Variants in MTF2 observed in about 807,000 individuals in gnomAD.
The protein encoded by MTF2 is metal-response element-binding transcription factor 2.
MTF2 carries 11 observed loss-of-function variants against 79.5 expected under a neutral mutation model. The ratio of observed to expected loss-of-function variants is 0.14; its 90% CI spans 0.09 to 0.23. MTF2 has a LOEUF of 0.23. Ranked by LOEUF, MTF2 falls within the 10% of genes least tolerant of loss-of-function variation. The probability of loss-of-function intolerance (pLI) is 1.00; values close to 1 mark genes in which losing one functional copy is unlikely to be tolerated. For missense variants in MTF2, 486 were observed against 711.2 expected (o/e 0.68, Z 3.60); for synonymous variants, 208 against 232.8 (o/e 0.89, Z 0.97).
intron 1 of MTF2, among the ~76,000 whole-genome samples, chr1:93,089,961 C>T (rs888599599): frequency 1.5e-4 from 23 of 151,744 alleles, no homozygotes; most frequent in South Asian, 6.2e-4. Flanking sequence ...CTCAGGTGTG[C>T]ACCACCACAC....
At chr1:93,087,571 CAA>C (rs5776168) in intron 1 of MTF2, among the ~76,000 whole-genome samples, 6 of 135,496 alleles carry the variant, frequency 4.4e-5, no homozygotes, top group African/African-American at 5.7e-5. Flanking sequence ...GACTCTGTCT[CAA>C]AAAAAAAAAA....
At chr1:93,112,041 T>C (rs1161101671) in intron 3 of MTF2, among the ~76,000 whole-genome samples, 1 of 152,170 alleles carries the variant, frequency 6.6e-6, no homozygotes, top group Non-Finnish European at 1.5e-5. Context: ...AGAAAACCAA[T>C]GTTACATAGA....
At chr1:93,101,936 A>T (rs1312644513) in intron 1 of MTF2, among the ~76,000 whole-genome samples, 1 of 152,126 alleles carries the variant, frequency 6.6e-6, no homozygotes, top group African/African-American at 2.4e-5. Context: ...AGCCGTCTCC[A>T]TAACACTTTT....
chr1:93,079,451 C>T lies in MTF2; in HGVS notation c.-76C>T, dbSNP rs1302267429. 43 of 1,600,042 alleles carry T rather than the reference C, an allele frequency of 2.7e-5. No individual in the cohort carries two copies. The East Asian group carries it at 8.7e-4, about 32-fold the overall frequency. The stretch of plus-strand genomic sequence containing the variant: ...CGGGTGCCCAGTAAGTGCTCGGACT[C>T]GCAGGGGAAGCGCCCACGGGGACGG... On this transcript the variant is annotated 5_prime_UTR_variant, in exon 1 of 15. Coordinates refer to ENST00000370298, the MANE Select transcript of MTF2 (RefSeq NM_007358.4).
intron 11 of MTF2, among the ~76,000 whole-genome samples, chr1:93,132,273 G>A (rs1226321522): frequency 1.3e-5 from 2 of 152,144 alleles, no homozygotes; most frequent in Non-Finnish European, 2.9e-5. Context: ...TTTGAATGAA[G>A]GAAAGAATGC....
In MTF2 at chr1:93,137,108, C is replaced by T; in HGVS notation, c.*81C>T. ...AAGCCCTAAAGGAGTCTGGCTTTTA[C>T]TATCTTTCTTAAAAAAAAAAAAAAG... is the stretch of plus-strand genomic sequence containing the variant. On this transcript the variant is annotated 3_prime_UTR_variant, in exon 15 of 15. Coordinates refer to ENST00000370298, the MANE Select transcript of MTF2 (RefSeq NM_007358.4). 1 of 1,048,156 alleles carries T rather than the reference C, an allele frequency of 9.5e-7. No homozygotes were observed. Among genetic ancestry groups the T allele is most frequent in the Admixed American group, 2.5e-5 (1 of 40,332 alleles). 64.9% of individuals were successfully genotyped at this position (1,048,156 alleles called of 1,614,324 possible).
At chr1:93,115,899 A>G (rs1380284476) in intron 6 of MTF2, among the ~76,000 whole-genome samples, 2 of 152,186 alleles carry the variant, frequency 1.3e-5, no homozygotes, top group Non-Finnish European at 2.9e-5. Context: ...CATTTACTGC[A>G]GGGGCCCAGT....
chr1:93,126,111 T>C (rs1468265697), intron 9 of MTF2, among the ~76,000 whole-genome samples: 4 of 151,688 alleles, frequency 2.6e-5, no homozygotes, highest in African/African-American at 9.7e-5. Flanking sequence ...ACAGTAGGAG[T>C]TGGTGGTTTG....
intron 1 of MTF2, among the ~76,000 whole-genome samples, chr1:93,093,181 C>CA (rs61179881): frequency 0.015 from 1,806 of 122,444 alleles, 17 homozygotes; most frequent in Middle Eastern, 0.026. Flanking sequence ...GACTCTGTCT[C>CA]AAAAAAAAAA....
intron 1 of MTF2, among the ~76,000 whole-genome samples, chr1:93,092,376 A>G (rs1400136010): frequency 1.3e-5 from 2 of 152,138 alleles, no homozygotes; most frequent in Non-Finnish European, 1.5e-5. Context: ...TATCTTTTAA[A>G]AAGTAAATTT....
At chr1:93,114,426 G>A (rs975975545) in intron 3 of MTF2, among the ~76,000 whole-genome samples, 2 of 152,184 alleles carry the variant, frequency 1.3e-5, no homozygotes, top group African/African-American at 4.8e-5. Context: ...TGAGAAATGA[G>A]TAATAAGGGA....
chr1:93,137,059 C>G lies in MTF2; in HGVS notation c.*32C>G, dbSNP rs748480772. ...GACTGAACATTATGTTCACTGCACT[C>G]TGATTTTCTGTAGGTACAGTTCAAA... On this transcript the variant is annotated 3_prime_UTR_variant, in exon 15 of 15. Transcript: ENST00000370298. The G allele has an allele frequency of 5.8e-6, 9 of 1,557,478 alleles. No individual in the cohort carries two copies. In the South Asian group the frequency reaches 1.0e-4, roughly 18 times the overall value.
intron 2 of MTF2, 37 bp downstream of exon 2, chr1:93,110,465 G>C (rs1418215238): frequency 1.9e-6 from 3 of 1,608,850 alleles, no homozygotes; most frequent in Non-Finnish European, 2.6e-6. Flanking sequence ...TGTTTTTGCA[G>C]TAAGCATTTA....
rs1256356915 is a variant in MTF2 at position 93,136,700 on chromosome 1, A to G, written c.1455A>G (p.Thr485=). The change falls in exon 15 of 15, where the codon ACA becomes ACG. Residue 485 remains threonine (T), a synonymous_variant. Coordinates refer to ENST00000370298, the MANE Select transcript of MTF2 (RefSeq NM_007358.4). The stretch of plus-strand genomic sequence containing the variant: ...CTGACTCCAGAAAAAGAACGCGTAC[A>G]GGAAGATCTTGGCCTGCTGCAATAC... ...GLSDSRKRTR[T]GRSWPAAIPH... 1.2e-6 allele frequency: 2 copies of G among 1,613,982 alleles called. No individual in the cohort carries two copies. The highest frequency in any genetic ancestry group is 2.2e-5 in the East Asian group (1 of 44,880).
At chr1:93,099,805 A>C (rs1408895247) in intron 1 of MTF2, among the ~76,000 whole-genome samples, 2 of 152,176 alleles carry the variant, frequency 1.3e-5, no homozygotes, top group Admixed American at 1.3e-4. Context: ...ATGTGGAAAA[A>C]AGATTTGAAA....
intron 1 of MTF2, chr1:93,081,123 C>G (rs1337864807): frequency 1.3e-5 from 2 of 152,190 alleles, no homozygotes; most frequent in African/African-American, 4.8e-5. Flanking sequence ...AAATGTGTAA[C>G]TATCAGGATG....
intron 4 of MTF2, 45 bp downstream of exon 4, chr1:93,114,828 T>C: frequency 6.9e-7 from 1 of 1,451,758 alleles, no homozygotes; most frequent in Non-Finnish European, 9.5e-7. Context: ...TGAATGACTA[T>C]GTTGAAGATT....
At chr1:93,106,472 T>G (rs922241372) in intron 1 of MTF2, among the ~76,000 whole-genome samples, 2 of 152,182 alleles carry the variant, frequency 1.3e-5, no homozygotes, top group Admixed American at 6.5e-5. Context: ...TTTTTTTTTT[T>G]TAACTGAAGG....
At chr1:93,119,261 A>C (rs1656373655) in intron 7 of MTF2, 72 bp from the exon 8 acceptor site, 17 of 1,037,174 alleles carry the variant, frequency 1.6e-5, no homozygotes, top group Non-Finnish European at 2.3e-5. Context: ...CACTTGGTGA[A>C]TATTAGCTAT....
Sources: allele counts gnomAD v4.1 joint callset (sites outside exome capture counted in the v4.1 genomes callset), GRCh38; gene constraint gnomAD v4.1.1; transcripts MANE v1.5; gene names NCBI Gene and HGNC (gene_info 2026-07-23, HGNC 2026-07-21).